Variants in FBXO15 observed in about 807,000 individuals in gnomAD.
The protein encoded by FBXO15 is F-box only protein 15.
A neutral mutation model predicts 49.5 loss-of-function variants in FBXO15; 30 were observed. That is an observed-to-expected ratio of 0.61 (90% CI 0.45 to 0.82). The LOEUF (loss-of-function observed/expected upper bound fraction) is 0.82. Ranked by LOEUF, FBXO15 falls within the 40% of genes least tolerant of loss-of-function variation. The pLI is 0.00. For missense variants in FBXO15, 591 were observed against 631.5 expected (o/e 0.94, Z 0.69); for synonymous variants, 250 against 232.7 (o/e 1.07, Z -0.68).
intron 2 of FBXO15, among the ~76,000 whole-genome samples, chr18:74,138,184 A>C (rs956594772): frequency 6.6e-6 from 1 of 152,066 alleles, no homozygotes; most frequent in Non-Finnish European, 1.5e-5. Context: ...CGCACTGCCA[A>C]GCTCTGGGAA....
chr18:74,140,411 G>A (rs1978995757), intron 1 of FBXO15, 99 bp from the exon 2 acceptor site: 3 of 1,034,786 alleles, frequency 2.9e-6, no homozygotes, highest in Non-Finnish European at 3.9e-6. Context: ...AAACTCCAAA[G>A]ATTACTCACT....
At chr18:74,136,131 CTG>C (rs1978708280) in intron 2 of FBXO15, among the ~76,000 whole-genome samples, 1 of 152,194 alleles carries the variant, frequency 6.6e-6, no homozygotes. Flanking sequence ...CGTTCATACA[CTG>C]TGAATCAACA....
intron 2 of FBXO15, among the ~76,000 whole-genome samples, chr18:74,136,512 T>C (rs28538265): frequency 0.026 from 3,917 of 152,116 alleles, 153 homozygotes; most frequent in African/African-American, 0.087. Flanking sequence ...TAATGGGAAA[T>C]AGCAGCTTAT....
intron 8 of FBXO15, among the ~76,000 whole-genome samples, chr18:74,114,254 A>G (rs1272938605): frequency 1.3e-5 from 2 of 152,230 alleles, no homozygotes; most frequent in Admixed American, 6.5e-5. Context: ...ATGATAGACA[A>G]CATTTCACAT....
Position 74,135,911 on chromosome 18 carries a change from G to C in FBXO15, c.228-45C>G, listed in dbSNP as rs137896756. ...AAAAAAAAATCACCAGAGTGGACCA[G>C]GGCTTAATCTGCAGATTACCCAGAA... On this transcript the variant is annotated intron_variant, in intron 2 of 9. Coordinates refer to ENST00000419743, the MANE Select transcript of FBXO15 (RefSeq NM_001142958.2). 1.8e-5 allele frequency: 27 copies of C among 1,492,750 alleles called. 1 individual carries two copies. In the African/African-American group the frequency reaches 2.4e-4, roughly 13 times the overall value. 92.5% of individuals were successfully genotyped at this position (1,492,750 alleles called of 1,614,324 possible).
chr18:74,084,011 G>A lies in FBXO15; in HGVS notation c.1139-1960C>T, dbSNP rs115711938. Among the ~76,000 whole-genome samples, 815 of 152,320 alleles carry A rather than the reference G, an allele frequency of 5.4e-3. 15 individuals carry two copies. The highest frequency in any genetic ancestry group is 0.019 in the African/African-American group (780 of 41,562). On this transcript the variant is annotated intron_variant, in intron 8 of 9. Coordinates refer to ENST00000419743, the MANE Select transcript of FBXO15 (RefSeq NM_001142958.2). ...GAGAGGTTAACAGTAACTCGCCCAA[G>A]GTCAGATCCCTGGTCAACGGCAGAA...
intron 5 of FBXO15, among the ~76,000 whole-genome samples, chr18:74,127,823 A>C (rs928270605): frequency 1.3e-5 from 2 of 152,216 alleles, no homozygotes; most frequent in Non-Finnish European, 1.5e-5. Context: ...TACTGTCTTT[A>C]ACTGAGCTTT....
chr18:74,123,546 C>T (rs1191230652), intron 7 of FBXO15, 36 bp from the exon 8 acceptor site: 3 of 1,577,184 alleles, frequency 1.9e-6, no homozygotes, highest in Non-Finnish European at 2.6e-6. Context: ...ACAAATTTGT[C>T]AACACCAGGG....
At chr18:74,088,181 C>G (rs959053003) in intron 8 of FBXO15, among the ~76,000 whole-genome samples, 46 of 152,230 alleles carry the variant, frequency 3.0e-4, no homozygotes, top group African/African-American at 1.1e-3. Context: ...TTGATAGTTT[C>G]TTTTGCTGTG....
At chr18:74,146,779 G>A (rs3813122) in intron 1 of FBXO15, among the ~76,000 whole-genome samples, 13,340 of 152,070 alleles carry the variant, frequency 0.088, 1,070 homozygotes, top group African/African-American at 0.21. Flanking sequence ...GGAGATTCAG[G>A]GGGAAAAAAC....
intron 9 of FBXO15, among the ~76,000 whole-genome samples, 189 bp from the exon 10 acceptor site, chr18:74,073,919 T>G (rs1912149305): frequency 6.6e-6 from 1 of 152,214 alleles, no homozygotes; most frequent in Non-Finnish European, 1.5e-5. Context: ...TCTCATCACT[T>G]AATATTCATT....
chr18:74,074,825 G>A lies in FBXO15; in HGVS notation c.1264-1095C>T, dbSNP rs2145091585. On this transcript the variant is annotated intron_variant, in intron 9 of 9. Transcript: ENST00000419743. This position sits in a 1 kb window ranked among gnomAD's most constrained non-coding sequence, Gnocchi z 4.7. ...CCATACCGCAGTGGATATGTAAAAA[G>A]GCCTGAAGAGCACTGCCCATGGACC... 1.3e-5 allele frequency among the ~76,000 whole-genome samples: 2 copies of A among 152,288 alleles called. 1 individual carries two copies. Among genetic ancestry groups the A allele is most frequent in the Admixed American group, 1.3e-4 (2 of 15,296 alleles).
chr18:74,126,192 T>C (rs1222496473), intron 5 of FBXO15, 91 bp from the exon 6 acceptor site: 3 of 1,525,678 alleles, frequency 2.0e-6, no homozygotes, highest in Non-Finnish European at 2.7e-6. Context: ...ACAAATGTGT[T>C]TGAAGAGCAT....
chr18:74,094,388 C>T (rs1233593389), intron 8 of FBXO15, among the ~76,000 whole-genome samples: 3 of 152,124 alleles, frequency 2.0e-5, no homozygotes, highest in East Asian at 3.9e-4. Flanking sequence ...TATGATGTGC[C>T]TACTCCCCAC....
intron 9 of FBXO15, among the ~76,000 whole-genome samples, chr18:74,079,850 C>T (rs1568154756): frequency 6.6e-6 from 1 of 152,160 alleles, no homozygotes. Flanking sequence ...TGTCCTTTCA[C>T]GACTGCACAT....
chr18:74,087,591 A>G (rs191049590), intron 8 of FBXO15, among the ~76,000 whole-genome samples: 94 of 152,334 alleles, frequency 6.2e-4, no homozygotes, highest in African/African-American at 2.1e-3. Context: ...GTATACAAGT[A>G]CCACATTTTA....
chr18:74,130,737 A>G (rs1885419126), intron 3 of FBXO15, 79 bp from the exon 4 acceptor site: 1 of 1,407,782 alleles, frequency 7.1e-7, no homozygotes, highest in Non-Finnish European at 9.6e-7. Context: ...TTAGAGATGC[A>G]TATTTTCAAA....
intron 8 of FBXO15, among the ~76,000 whole-genome samples, chr18:74,100,580 T>C (rs1399140952): frequency 1.3e-5 from 2 of 151,736 alleles, no homozygotes; most frequent in East Asian, 3.9e-4. Flanking sequence ...GAGAACTAAA[T>C]GAAATTGAAA....
At chr18:74,131,325 A>G (rs1490482262) in intron 3 of FBXO15, among the ~76,000 whole-genome samples, 1 of 152,194 alleles carries the variant, frequency 6.6e-6, no homozygotes, top group African/African-American at 2.4e-5. Context: ...TCCCCACTGC[A>G]TAGATGCTGT....
Sources: allele counts gnomAD v4.1 joint callset (sites outside exome capture counted in the v4.1 genomes callset), GRCh38; gene constraint gnomAD v4.1.1; non-coding constraint Gnocchi (gnomAD v3.1); transcripts MANE v1.5; gene names NCBI Gene and HGNC (gene_info 2026-07-23, HGNC 2026-07-21).